Variants in FOXP2 observed in about 807,000 individuals in gnomAD.
FOXP2 encodes the protein forkhead box P2, also known as forkhead box protein P2.
FOXP2 carries 12 observed loss-of-function variants against 115.8 expected under a neutral mutation model. That is an observed-to-expected ratio of 0.10 (90% CI 0.07 to 0.17). The LOEUF (loss-of-function observed/expected upper bound fraction) is 0.17. Ranked by LOEUF, FOXP2 falls within the 10% of genes least tolerant of loss-of-function variation. The pLI, the probability that FOXP2 is intolerant of heterozygous loss-of-function variation, is 1.00. For missense variants in FOXP2, 629 were observed against 843.5 expected (o/e 0.75, Z 3.15); for synonymous variants, 328 against 297.7 (o/e 1.10, Z -1.05).
At chr7:114,674,299 AT>A (rs1166727389) in intron 16 of FOXP2, among the ~76,000 whole-genome samples, 1 of 152,176 alleles carries the variant, frequency 6.6e-6, no homozygotes, top group Non-Finnish European at 1.5e-5. Context: ...TTAGTAGGGC[AT>A]TTTCTACTTA....
chr7:114,305,037 T>C (rs1184015537), intron 2 of FOXP2, among the ~76,000 whole-genome samples: 1 of 152,208 alleles, frequency 6.6e-6, no homozygotes, highest in Non-Finnish European at 1.5e-5. Context: ...GATTGTCATT[T>C]TTATGATTAA....
chr7:114,349,864 A>G (rs1791438952), intron 2 of FOXP2, among the ~76,000 whole-genome samples: 1 of 152,142 alleles, frequency 6.6e-6, no homozygotes, highest in Non-Finnish European at 1.5e-5. Flanking sequence ...GAATGTTTCT[A>G]AATCATAAAA....
intron 8 of FOXP2, among the ~76,000 whole-genome samples, chr7:114,646,060 TAA>T (rs57137258): frequency 0.011 from 908 of 85,646 alleles, 16 homozygotes; most frequent in African/African-American, 0.035. Flanking sequence ...TTTTCTTCTC[TAA>T]AAAAAAAAAA....
At position 114,269,426 on chromosome 7, in the gene FOXP2, C is replaced by T. The variant is rs554496134; in HGVS notation, c.-101-18593C>T. On this transcript the variant is annotated intron_variant, in intron 1 of 17. Transcript: ENST00000634411. ...AGTACATGCTATTCTTGAATTAAAT[C>T]TTTTTTTGTTTGTTTTTGAGACACA... 6.6e-5 allele frequency among the ~76,000 whole-genome samples: 10 copies of T among 151,988 alleles called. No homozygotes were observed. The South Asian group carries it at 2.1e-3, about 32-fold the overall frequency.
chr7:114,506,242 G>A (rs999330893), intron 2 of FOXP2, among the ~76,000 whole-genome samples: 3 of 151,634 alleles, frequency 2.0e-5, no homozygotes, highest in African/African-American at 7.3e-5. Context: ...CTTATACATT[G>A]CTATATGAAC....
intron 2 of FOXP2, among the ~76,000 whole-genome samples, chr7:114,489,176 CAT>C (rs1796923632): frequency 6.6e-6 from 1 of 152,094 alleles, no homozygotes; most frequent in Admixed American, 6.6e-5. Context: ...ATTTTTAAGA[CAT>C]ATATCTTTTT....
intron 2 of FOXP2, among the ~76,000 whole-genome samples, chr7:114,347,784 G>C (rs1024607663): frequency 6.6e-6 from 1 of 151,962 alleles, no homozygotes; most frequent in Non-Finnish European, 1.5e-5. Flanking sequence ...TAATTTGTTA[G>C]AGATTATCTA....
intron 16 of FOXP2, among the ~76,000 whole-genome samples, chr7:114,686,782 G>A (rs1486035837): frequency 2.0e-5 from 3 of 151,786 alleles, no homozygotes; most frequent in Non-Finnish European, 4.4e-5. Context: ...AATATTCTGA[G>A]CACGTATACT....
At chr7:114,418,181 C>T (rs939810534) in intron 1 of FOXP2, among the ~76,000 whole-genome samples, 2 of 151,928 alleles carry the variant, frequency 1.3e-5, no homozygotes, top group African/African-American at 2.4e-5. Flanking sequence ...ACCAATTTCT[C>T]CTGTTATGTC....
chr7:114,531,958 G>T (rs952811328), intron 2 of FOXP2, among the ~76,000 whole-genome samples: 1 of 151,844 alleles, frequency 6.6e-6, no homozygotes, highest in African/African-American at 2.4e-5. Context: ...TGAATATAAC[G>T]CAGGTTGGTA....
intron 1 of FOXP2, among the ~76,000 whole-genome samples, chr7:114,224,119 T>C (rs887907301): frequency 6.6e-6 from 1 of 152,150 alleles, no homozygotes; most frequent in Non-Finnish European, 1.5e-5. Context: ...TTATTTCCAT[T>C]TATATCTGGC....
At chr7:114,664,194 A>T in intron 15 of FOXP2, 79 bp from the exon 16 acceptor site, 1 of 1,468,462 alleles carries the variant, frequency 6.8e-7, no homozygotes. Context: ...ATTGGAACCC[A>T]TTAAAAGAAG....
chr7:114,614,120 T>A (rs1803791892), intron 3 of FOXP2, among the ~76,000 whole-genome samples: 1 of 152,218 alleles, frequency 6.6e-6, no homozygotes, highest in Non-Finnish European at 1.5e-5. Flanking sequence ...AAGAATACGT[T>A]CCGTTTTAAT....
At chr7:114,270,329 C>G (rs1796005369) in intron 1 of FOXP2, among the ~76,000 whole-genome samples, 1 of 152,092 alleles carries the variant, frequency 6.6e-6, no homozygotes, top group African/African-American at 2.4e-5. Flanking sequence ...GTTCATTTGG[C>G]TAAATACCAA....
intron 1 of FOXP2, among the ~76,000 whole-genome samples, chr7:114,254,381 A>C (rs1047322715): frequency 6.6e-6 from 1 of 152,192 alleles, no homozygotes; most frequent in Non-Finnish European, 1.5e-5. Flanking sequence ...AATATCCTGC[A>C]GAGTGTTTTC....
At chr7:114,274,444 T>C (rs539174385) in intron 1 of FOXP2, among the ~76,000 whole-genome samples, 79 of 152,224 alleles carry the variant, frequency 5.2e-4, no homozygotes, top group African/African-American at 1.9e-3. Context: ...ACCTGTATTA[T>C]TGTCCTTCTA....
intron 1 of FOXP2, among the ~76,000 whole-genome samples, chr7:114,252,229 T>A (rs1430336159): frequency 1.3e-5 from 2 of 152,200 alleles, no homozygotes; most frequent in African/African-American, 4.8e-5. Flanking sequence ...TCGATATTTA[T>A]CAGGGATATT....
chr7:114,521,535 A>AG (rs1165743053), intron 2 of FOXP2, among the ~76,000 whole-genome samples: 1 of 150,090 alleles, frequency 6.7e-6, no homozygotes, highest in Non-Finnish European at 1.5e-5. Flanking sequence ...ACTGTCTCAA[A>AG]AAAAAAAAAA....
At chr7:114,397,017 A>G (rs1331877979) in intron 2 of FOXP2, among the ~76,000 whole-genome samples, 4 of 152,126 alleles carry the variant, frequency 2.6e-5, no homozygotes, top group Admixed American at 2.6e-4. Context: ...GCCTGAAAAT[A>G]ACTATTACCT....
Sources: gnomAD v4.1 joint callset for allele counts (sites outside exome capture counted in the v4.1 genomes callset) on GRCh38, gnomAD v4.1.1 for gene constraint, MANE v1.5 for transcripts, NCBI Gene and HGNC (gene_info 2026-07-23, HGNC 2026-07-21) for gene names.